The following CSMD1 variants were observed in gnomAD, a reference collection of about 807,000 sequenced individuals.
CSMD1 encodes CUB and sushi domain-containing protein 1.
A neutral mutation model predicts 417.5 loss-of-function variants in CSMD1; 213 were observed. The observed-to-expected ratio is 0.51, with a 90% CI of 0.46 to 0.57. The LOEUF is 0.57. Ranked by LOEUF, CSMD1 falls within the 20% of genes least tolerant of loss-of-function variation. The pLI, the probability that CSMD1 is intolerant of heterozygous loss-of-function variation, is 0.00. For missense variants in CSMD1, 6,923 were observed against 4,529.7 expected (o/e 1.53, Z -15.17); for synonymous variants, 2,862 against 1,736.8 (o/e 1.65, Z -16.11).
At chr8:3,427,671 T>C (rs1447263046) in intron 12 of CSMD1, among the ~76,000 whole-genome samples, 1 of 152,222 alleles carries the variant, frequency 6.6e-6, no homozygotes, top group African/African-American at 2.4e-5. Flanking sequence ...AAACTTCTGT[T>C]AACTCACTTT....
chr8:4,893,790 C>A (rs76546935), intron 1 of CSMD1, among the ~76,000 whole-genome samples: 1 of 152,098 alleles, frequency 6.6e-6, no homozygotes, highest in South Asian at 2.1e-4. Flanking sequence ...TCACATTGTT[C>A]AGATTCCAAT....
In CSMD1 at chr8:3,546,027, A is replaced by G. The variant is rs559994032; in HGVS notation, c.1344+28918T>C. ...ACATGACACTGAGAAAGATTTCTCT[A>G]ATAAACCAAAATGCAGTTTCTCCAT... On this transcript the variant is annotated intron_variant, in intron 10 of 69. Transcript: ENST00000635120. Among the ~76,000 whole-genome samples, 113 of 152,364 alleles carry G rather than the reference A, an allele frequency of 7.4e-4. 1 individual carries two copies. Among genetic ancestry groups the G allele is most frequent in the South Asian group, 2.9e-3 (14 of 4,828 alleles).
chr8:3,890,854 A>G (rs1361788047), intron 5 of CSMD1, among the ~76,000 whole-genome samples: 1 of 152,182 alleles, frequency 6.6e-6, no homozygotes, highest in Non-Finnish European at 1.5e-5. Flanking sequence ...CAGTAAGTAT[A>G]TACAATGAGA....
At chr8:3,557,164 A>T (rs563354570) in intron 10 of CSMD1, among the ~76,000 whole-genome samples, 1 of 152,348 alleles carries the variant, frequency 6.6e-6, no homozygotes, top group South Asian at 2.1e-4. Flanking sequence ...TGTTACATTC[A>T]GAAGACACTT....
intron 10 of CSMD1, among the ~76,000 whole-genome samples, chr8:3,547,880 A>G (rs1381824365): frequency 6.6e-6 from 1 of 152,226 alleles, no homozygotes; most frequent in East Asian, 1.9e-4. Context: ...ATGTCATTTT[A>G]AGAATAAGAA....
intron 10 of CSMD1, among the ~76,000 whole-genome samples, chr8:3,522,841 G>A (rs547616645): frequency 1.4e-4 from 21 of 150,028 alleles, no homozygotes; most frequent in African/African-American, 4.4e-4. Flanking sequence ...TAATTTGTTA[G>A]ATATATATAA....
At chr8:3,514,748 A>C (rs1038046527) in intron 10 of CSMD1, among the ~76,000 whole-genome samples, 1 of 152,140 alleles carries the variant, frequency 6.6e-6, no homozygotes, top group African/African-American at 2.4e-5. Context: ...AGTAAAAATA[A>C]TTGCCTTCAT....
chr8:4,344,061 GCA>G (rs1233307272), intron 3 of CSMD1, among the ~76,000 whole-genome samples: 6 of 152,100 alleles, frequency 3.9e-5, no homozygotes, highest in Non-Finnish European at 7.4e-5. Flanking sequence ...GTGCGTGTGC[GCA>G]CACACATACT....
intron 1 of CSMD1, among the ~76,000 whole-genome samples, chr8:4,965,913 G>C (rs1222692520): frequency 6.6e-6 from 1 of 152,082 alleles, no homozygotes. Context: ...CTTGAAGCAG[G>C]ATGTGTATGT....
chr8:4,022,491 C>T (rs1250153591), intron 4 of CSMD1, among the ~76,000 whole-genome samples: 1 of 152,130 alleles, frequency 6.6e-6, no homozygotes, highest in African/African-American at 2.4e-5. Flanking sequence ...AAAGACTTCC[C>T]TCCGAAGCAA....
At chr8:3,105,865 G>C (rs1469972354) in intron 46 of CSMD1, among the ~76,000 whole-genome samples, 1 of 152,226 alleles carries the variant, frequency 6.6e-6, no homozygotes, top group Non-Finnish European at 1.5e-5. Context: ...TACTTTGTAA[G>C]TTTTCATAGC....
intron 6 of CSMD1, among the ~76,000 whole-genome samples, chr8:3,730,171 C>T (rs1563318820): frequency 6.6e-6 from 1 of 151,954 alleles, no homozygotes; most frequent in Admixed American, 6.6e-5. Context: ...TTCCATTCCC[C>T]CAAAATCATG....
intron 25 of CSMD1, among the ~76,000 whole-genome samples, chr8:3,292,800 T>G (rs1584942992): frequency 6.6e-6 from 1 of 152,164 alleles, no homozygotes; most frequent in African/African-American, 2.4e-5. Flanking sequence ...TCTCTGTCTT[T>G]TAATTGGAGC....
chr8:3,471,857 A>G lies in CSMD1; in HGVS notation c.1449-3033T>C, dbSNP rs537807987. On this transcript the variant is annotated intron_variant, in intron 11 of 69. Transcript: ENST00000635120. ...TGTTTTAATATTACACAGTTAAAGA[A>G]GAATGTGGGCATAGCCGTTAGTTTT... 4.6e-5 allele frequency among the ~76,000 whole-genome samples: 7 copies of G among 152,324 alleles called. No individual in the cohort carries two copies. The South Asian group carries it at 1.5e-3, about 32-fold the overall frequency.
At chr8:4,769,909 C>A in intron 1 of CSMD1, among the ~76,000 whole-genome samples, 1 of 152,130 alleles carries the variant, frequency 6.6e-6, no homozygotes, top group African/African-American at 2.4e-5. Flanking sequence ...ATCATGAATC[C>A]TCATGATTAA....
chr8:3,953,528 C>G (rs1013068330), intron 5 of CSMD1, among the ~76,000 whole-genome samples: 1 of 152,038 alleles, frequency 6.6e-6, no homozygotes, highest in African/African-American at 2.4e-5. Context: ...AATGACATTG[C>G]CCTGAGTGGA....
intron 1 of CSMD1, among the ~76,000 whole-genome samples, chr8:4,667,750 C>T (rs1261395285): frequency 6.6e-6 from 1 of 152,170 alleles, no homozygotes; most frequent in Non-Finnish European, 1.5e-5. Context: ...GTTTCAGTAA[C>T]ATTCTTGTAT....
intron 2 of CSMD1, among the ~76,000 whole-genome samples, chr8:4,601,161 G>C (rs538303114): frequency 1.2e-4 from 18 of 152,218 alleles, no homozygotes; most frequent in African/African-American, 4.1e-4. Flanking sequence ...CTCCATGTTG[G>C]TCAGGCTGGT....
rs376512235 is a variant in CSMD1 at position 4,065,373 on chromosome 8, G to A, written c.416-33274C>T. Among the ~76,000 whole-genome samples, 13 of 152,312 alleles carry A rather than the reference G, an allele frequency of 8.5e-5. No individual in the cohort carries two copies. In the East Asian group the frequency reaches 2.3e-3, roughly 27 times the overall value. ...CCAAAGTCATGGATAGTTAGTAAAAGTTTATGGTCCTACAGTCTTAAAAAT... is the reference window on the plus strand; with the variant it reads ...CCAAAGTCATGGATAGTTAGTAAAAATTTATGGTCCTACAGTCTTAAAAAT... On this transcript the variant is annotated intron_variant, in intron 3 of 69. Transcript: ENST00000635120.
Sources: allele counts gnomAD v4.1 joint callset (sites outside exome capture counted in the v4.1 genomes callset), GRCh38; gene constraint gnomAD v4.1.1; transcripts MANE v1.5; gene names NCBI Gene and HGNC (gene_info 2026-07-23, HGNC 2026-07-21).